The following ATP8B1 variants were observed in gnomAD, a reference collection of about 807,000 sequenced individuals.
ATP8B1 encodes ATPase phospholipid transporting 8B1.
Under a neutral mutation model 149.9 loss-of-function variants are expected in ATP8B1, and 80 were observed. The ratio of observed to expected loss-of-function variants is 0.53; its 90% CI spans 0.45 to 0.64. ATP8B1 has a LOEUF of 0.64. Among genes scored for constraint, ATP8B1 ranks in the 30% least tolerant of loss-of-function variants. The pLI is 0.00. For missense variants in ATP8B1, 1,247 were observed against 1,552.6 expected, an observed-to-expected ratio of 0.80 and a Z score of 3.31; for synonymous variants, 536 against 562.8, an observed-to-expected ratio of 0.95 and a Z score of 0.67.
At chr18:57,793,183 A>G (rs1240457674) in intron 1 of ATP8B1, among the ~76,000 whole-genome samples, 1 of 152,134 alleles carries the variant, frequency 6.6e-6, no homozygotes, top group Non-Finnish European at 1.5e-5. Flanking sequence ...CTGCTGAGAA[A>G]GTTATCTTTG....
intron 1 of ATP8B1, among the ~76,000 whole-genome samples, chr18:57,732,439 T>G (rs867683709): frequency 7.3e-5 from 11 of 151,356 alleles, no homozygotes; most frequent in Middle Eastern, 3.4e-3. Context: ...ACAATCAACA[T>G]TAAAATAAAA....
Position 57,781,257 on chromosome 18 carries a change from G to A in ATP8B1, c.-26+21741C>T, listed in dbSNP as rs2123416280. Among the ~76,000 whole-genome samples, 2 of 152,306 alleles carry A rather than the reference G, an allele frequency of 1.3e-5. 1 individual carries two copies. The highest frequency in any genetic ancestry group is 4.1e-4 in the South Asian group (2 of 4,828). On this transcript the variant is annotated intron_variant, in intron 1 of 27. Transcript: ENST00000648908. The stretch of plus-strand genomic sequence containing the variant: ...AGTTGGGACTGAGTTCCTGATCTAG[G>A]TTGAAGTGTAATGTGAATTCCATTC...
Position 57,695,339 on chromosome 18 carries a change from AT to A in ATP8B1, c.782-11del. 1 of 1,596,626 alleles carries A rather than the reference AT, an allele frequency of 6.3e-7. No homozygotes were observed. The highest frequency in any genetic ancestry group is 8.6e-7 in the Non-Finnish European group (1 of 1,164,526). On this transcript the variant is annotated splice_polypyrimidine_tract_variant and intron_variant, in intron 9 of 27. Coordinates refer to ENST00000648908, the MANE Select transcript of ATP8B1 (RefSeq NM_001374385.1). ...TCACATTCAATAAAACCTTTTAAAA[AT>A]ATAAGATTCACATAATTAATCACAT...
chr18:57,758,581 G>A (rs1329100263), intron 1 of ATP8B1, among the ~76,000 whole-genome samples: 1 of 149,166 alleles, frequency 6.7e-6, no homozygotes, highest in Non-Finnish European at 1.5e-5. Flanking sequence ...TCGGGAGGCA[G>A]AGGTTGTGGT....
chr18:57,745,833 AAAATTTTTGT>A (rs1402490740), intron 1 of ATP8B1, among the ~76,000 whole-genome samples: 2 of 151,772 alleles, frequency 1.3e-5, no homozygotes, highest in Non-Finnish European at 2.9e-5. Context: ...ATATTTTGAG[AAAATTTTTGT>A]AAAGACGAGG....
intron 27 of ATP8B1, among the ~76,000 whole-genome samples, chr18:57,649,695 C>T (rs751881349): frequency 2.6e-5 from 4 of 152,076 alleles, no homozygotes; most frequent in South Asian, 2.1e-4. Context: ...AATTTTGGCA[C>T]GTGAGACCTG....
rs997553770 is a variant in ATP8B1, at chr18:57,647,048, C to T, written c.*1440G>A. 2.6e-5 allele frequency: 4 copies of T among 152,160 alleles called. No homozygotes were observed. Among genetic ancestry groups the T allele is most frequent in the East Asian group, 1.9e-4 (1 of 5,204 alleles). The allele number at this position is 152,160 out of a possible 1,614,324, so 9.4% of individuals were successfully genotyped here. ...TGTGGCTGCCAATAACCTTTTCTCT[C>T]GACATAAGACAAGTGAAAAAGAGTG... On this transcript the variant is annotated 3_prime_UTR_variant, in exon 28 of 28. Coordinates refer to ENST00000648908, the MANE Select transcript of ATP8B1 (RefSeq NM_001374385.1).
intron 1 of ATP8B1, among the ~76,000 whole-genome samples, chr18:57,751,315 C>A (rs1006716357): frequency 6.6e-6 from 1 of 151,744 alleles, no homozygotes; most frequent in Admixed American, 6.6e-5. Flanking sequence ...GAAACCACAG[C>A]TGTACAAAAT....
chr18:57,764,407 TTCTC>T (rs2080189252), intron 1 of ATP8B1, among the ~76,000 whole-genome samples: 1 of 127,114 alleles, frequency 7.9e-6, no homozygotes, highest in Admixed American at 8.1e-5. Flanking sequence ...CTTTCTTTCT[TTCTC>T]TCTTTCTCTC....
intron 20 of ATP8B1, among the ~76,000 whole-genome samples, chr18:57,663,519 A>C (rs1343568296): frequency 1.3e-5 from 2 of 152,208 alleles, no homozygotes; most frequent in African/African-American, 4.8e-5. Flanking sequence ...ACTGTTTTGC[A>C]TAGTGGCTGC....
intron 1 of ATP8B1, among the ~76,000 whole-genome samples, chr18:57,792,905 G>A (rs188303090): frequency 6.6e-6 from 1 of 152,246 alleles, no homozygotes; most frequent in Non-Finnish European, 1.5e-5. Context: ...TGCAGCAGCA[G>A]CCCTGGCAGG....
intron 2 of ATP8B1, among the ~76,000 whole-genome samples, chr18:57,710,987 G>T (rs1014194807): frequency 1.3e-5 from 2 of 152,158 alleles, no homozygotes; most frequent in Non-Finnish European, 2.9e-5. Context: ...AAAGAGAAAT[G>T]CAATTCTTCA....
At chr18:57,689,899 C>A (rs1011781997) in intron 12 of ATP8B1, among the ~76,000 whole-genome samples, 30 of 152,176 alleles carry the variant, frequency 2.0e-4, no homozygotes, top group African/African-American at 7.2e-4. Context: ...ACTTGTAATT[C>A]CAGCCACTAA....
chr18:57,760,608 A>C (rs954322650), intron 1 of ATP8B1, among the ~76,000 whole-genome samples: 3 of 152,246 alleles, frequency 2.0e-5, no homozygotes, highest in Admixed American at 2.0e-4. Context: ...TCTCATCTTC[A>C]TGAAGCTTCT....
At chr18:57,729,559 T>TTTTTTC (rs2079740471) in intron 2 of ATP8B1, among the ~76,000 whole-genome samples, 1 of 146,884 alleles carries the variant, frequency 6.8e-6, no homozygotes. Context: ...CTTTTTTTTT[T>TTTTTTC]TTTTTTTTGA....
intron 12 of ATP8B1, among the ~76,000 whole-genome samples, chr18:57,689,797 C>T (rs1235645090): frequency 4.6e-5 from 7 of 152,126 alleles, no homozygotes; most frequent in Non-Finnish European, 8.8e-5. Context: ...GTGGGCGGAT[C>T]ATGAGGTCAG....
chr18:57,682,489 A>G (rs574526718), intron 15 of ATP8B1, among the ~76,000 whole-genome samples: 3 of 152,346 alleles, frequency 2.0e-5, no homozygotes, highest in East Asian at 1.9e-4. Context: ...TAAGTTGGCC[A>G]GTTAGCCCTT....
chr18:57,669,374 T>A lies in ATP8B1; in HGVS notation c.2041A>T (p.Thr681Ser). Reference sequence around the variant, plus strand: ...TTATCCAGAGCTTCGTCCCGGTTGGTGGAGGCCACACTGGCAGCCATAAAC... The same window carrying A: ...TTATCCAGAGCTTCGTCCCGGTTGGAGGAGGCCACACTGGCAGCCATAAAC... ...KKFMAASVAS[T>S]NRDEALDKVY... is the part of the protein sequence containing the mutation. The change falls in exon 18 of 28, where the codon ACC becomes TCC. Residue 681 changes from threonine to serine, a missense_variant. Thr to Ser is a moderately conservative substitution (Grantham distance 58, BLOSUM62 1). Transcript: ENST00000648908. The A allele has an allele frequency of 1.9e-6, 3 of 1,614,034 alleles. No homozygotes were observed. The highest frequency in any genetic ancestry group is 2.5e-6 in the Non-Finnish European group (3 of 1,179,986).
chr18:57,662,580 T>C lies in ATP8B1; in HGVS notation c.2321A>G (p.Asn774Ser), dbSNP rs1374087411. ...LLHARMENQR[N>S]RGGVYAKFAP... ...AAACTTTGCGTAGACGCCACCTCTA[T>C]TCCTCTGGTTTTCCATCCTTGCATG... The change falls in exon 21 of 28, where the codon AAT (asparagine) becomes AGT (serine). Residue 774 changes from asparagine to serine, a missense_variant. Asn to Ser is a conservative substitution (Grantham distance 46). Transcript: ENST00000648908. 2 of 1,614,060 alleles carry C rather than the reference T, an allele frequency of 1.2e-6. No homozygotes were observed. The highest frequency in any genetic ancestry group is 2.7e-5 in the African/African-American group (2 of 74,910).
Sources: gnomAD v4.1 joint callset for allele counts (sites outside exome capture counted in the v4.1 genomes callset) on GRCh38, gnomAD v4.1.1 for gene constraint, MANE v1.5 for transcripts, NCBI Gene and HGNC (gene_info 2026-07-23, HGNC 2026-07-21) for gene names.